ARIH1: variants seen among roughly 807,000 people sequenced by gnomAD.
ARIH1 encodes the protein E3 ubiquitin-protein ligase ARIH1.
Under a neutral mutation model 85.0 loss-of-function variants are expected in ARIH1, and 8 were observed. The observed-to-expected ratio is 0.09, with a 90% CI of 0.06 to 0.17. ARIH1 has a LOEUF of 0.17. Ranked by LOEUF, ARIH1 falls within the 10% of genes least tolerant of loss-of-function variation. The pLI, the probability that ARIH1 is intolerant of heterozygous loss-of-function variation, is 1.00. For missense variants in ARIH1, 311 were observed against 718.1 expected, an observed-to-expected ratio of 0.43 and a Z score of 6.48; for synonymous variants, 238 against 253.6, an observed-to-expected ratio of 0.94 and a Z score of 0.59.
chr15:72,485,345 G>A (rs963497180), intron 1 of ARIH1, among the ~76,000 whole-genome samples: 42 of 152,286 alleles, frequency 2.8e-4, no homozygotes, highest in African/African-American at 9.9e-4. Flanking sequence ...TCTCTGGGGG[G>A]TTTGGACCAG....
At chr15:72,535,272 C>T (rs1471929440) in intron 2 of ARIH1, among the ~76,000 whole-genome samples, 2 of 152,146 alleles carry the variant, frequency 1.3e-5, no homozygotes, top group Non-Finnish European at 2.9e-5. Flanking sequence ...ATTCTTACCA[C>T]ATTTACCAAC....
At chr15:72,518,841 G>A (rs1159931289) in intron 2 of ARIH1, among the ~76,000 whole-genome samples, 3 of 151,584 alleles carry the variant, frequency 2.0e-5, no homozygotes, top group Admixed American at 6.6e-5. Context: ...GTTATTAGTA[G>A]CATTTATTCA....
In ARIH1 at chr15:72,578,816, G is replaced by GTTTTT. The variant is rs11385438; in HGVS notation, c.1216-1911_1216-1910insTTTTT. 2.1e-5 allele frequency among the ~76,000 whole-genome samples: 3 copies of GTTTTT among 140,960 alleles called. 1 individual carries two copies. The highest frequency in any genetic ancestry group is 3.1e-5 in the Non-Finnish European group (2 of 65,448). The allele number at this position is 140,960 out of a possible 152,430, so 92.5% of individuals were successfully genotyped here. On this transcript the variant is annotated intron_variant, in intron 11 of 13. Transcript: ENST00000379887. Reference sequence around the variant, plus strand: ...ATTTTGCTTTTTTTTGTTTTTTGGTGTTTTGTTTTTTTTTTTCAGAGGTAG... The same window carrying GTTTTT: ...ATTTTGCTTTTTTTTGTTTTTTGGTGTTTTTTTTTGTTTTTTTTTTTCAGAGGTAG...
At chr15:72,548,234 C>A (rs768536140) in intron 3 of ARIH1, among the ~76,000 whole-genome samples, 3 of 152,026 alleles carry the variant, frequency 2.0e-5, no homozygotes, top group African/African-American at 7.3e-5. Flanking sequence ...GCAGGACTTA[C>A]CACAGAAATC....
chr15:72,519,500 T>TG (rs2063990091), intron 2 of ARIH1, among the ~76,000 whole-genome samples: 1 of 72,982 alleles, frequency 1.4e-5, no homozygotes, highest in Admixed American at 1.7e-4. Context: ...TTTTTTTTTT[T>TG]GAGACGGAGT....
At position 72,589,974 on chromosome 15, in the gene ARIH1, T is replaced by TATG; in HGVS notation, c.*6686_*6688dup. The TATG allele has an allele frequency of 6.6e-6, 1 of 152,306 alleles. No individual in the cohort carries two copies. Among genetic ancestry groups the TATG allele is most frequent in the Non-Finnish European group, 1.5e-5 (1 of 68,002 alleles). The allele number at this position is 152,306 out of a possible 1,614,324, so 9.4% of individuals were successfully genotyped here. A position where few individuals can be genotyped will look rare whatever the true frequency, so the allele number is the denominator to read the frequency against. On this transcript the variant is annotated 3_prime_UTR_variant, in exon 14 of 14. Transcript: ENST00000379887. ...GCTCCTAGCTCTTCCATCTCAGTCTTATGATGTAGTTACTATTTTCATTTT... is the reference window on the plus strand; with the variant it reads ...GCTCCTAGCTCTTCCATCTCAGTCTTATGATGATGTAGTTACTATTTTCATTTT...
In ARIH1 at chr15:72,474,606, G is replaced by C. The variant is rs768977916; in HGVS notation, c.-34G>C. On this transcript the variant is annotated 5_prime_UTR_variant, in exon 1 of 14. Transcript: ENST00000379887. ...GGCGTCCCCGCCCTCTCCCCGCCTC[G>C]GCCAGCGTCCGCCGGGCCCCCGCGC... The C allele has an allele frequency of 1.3e-6, 2 of 1,495,090 alleles. No homozygotes were observed. Among genetic ancestry groups the C allele is most frequent in the Non-Finnish European group, 1.8e-6 (2 of 1,124,504 alleles). The allele number at this position is 1,495,090 out of a possible 1,614,324, so 92.6% of individuals were successfully genotyped here.
intron 2 of ARIH1, among the ~76,000 whole-genome samples, chr15:72,519,860 A>T (rs1460871166): frequency 6.6e-6 from 1 of 151,838 alleles, no homozygotes; most frequent in Non-Finnish European, 1.5e-5. Context: ...ATTTGATGAC[A>T]CCTCTACTAG....
In ARIH1 at chr15:72,597,910, A is replaced by G. The variant is rs542754005; in HGVS notation, c.*14618A>G. The G allele has an allele frequency of 3.3e-5, 5 of 152,280 alleles. No individual in the cohort carries two copies. The South Asian group carries it at 6.2e-4, about 19-fold the overall frequency. 9.4% of individuals were successfully genotyped at this position (152,280 alleles called of 1,614,324 possible). On this transcript the variant is annotated 3_prime_UTR_variant, in exon 14 of 14. Coordinates refer to ENST00000379887, the MANE Select transcript of ARIH1 (RefSeq NM_005744.5). Reference sequence around the variant, plus strand: ...ACAGCTAGGGGGTCTCTTCTCTCCTATGAAGGACTTGGCACTTTCTGGAGT... The same window carrying G: ...ACAGCTAGGGGGTCTCTTCTCTCCTGTGAAGGACTTGGCACTTTCTGGAGT...
At chr15:72,491,496 G>A (rs867426828) in intron 1 of ARIH1, among the ~76,000 whole-genome samples, 18 of 152,002 alleles carry the variant, frequency 1.2e-4, no homozygotes, top group African/African-American at 3.6e-4. Flanking sequence ...TGGTATTCAC[G>A]TTGTACCCAC....
At chr15:72,533,151 T>C (rs2064065388) in intron 2 of ARIH1, among the ~76,000 whole-genome samples, 1 of 152,156 alleles carries the variant, frequency 6.6e-6, no homozygotes, top group Admixed American at 6.5e-5. Flanking sequence ...TTTTTTGAGA[T>C]GGGGTCTTGC....
chr15:72,475,392 G>A (rs1464695399), intron 1 of ARIH1, among the ~76,000 whole-genome samples: 1 of 152,236 alleles, frequency 6.6e-6, no homozygotes, highest in Non-Finnish European at 1.5e-5. Context: ...GAAGAATTGG[G>A]CCCTGACGGG....
intron 12 of ARIH1, 88 bp from the exon 13 acceptor site, chr15:72,581,987 A>G (rs2064297022): frequency 1.2e-6 from 1 of 811,554 alleles, no homozygotes; most frequent in African/African-American, 1.7e-5. Flanking sequence ...ATGAGTGTTG[A>G]GAGCAGTCTG....
chr15:72,474,618 C>T lies in ARIH1; in HGVS notation c.-22C>T. ...CTCTCCCCGCCTCGGCCAGCGTCCG[C>T]CGGGCCCCCGCGCGTCGCGCCATGG... On this transcript the variant is annotated 5_prime_UTR_variant, in exon 1 of 14. Transcript: ENST00000379887. The T allele has an allele frequency of 1.3e-6, 2 of 1,504,946 alleles. No homozygotes were observed. The highest frequency in any genetic ancestry group is 1.8e-4 in the Middle Eastern group (1 of 5,552). 93.2% of individuals were successfully genotyped at this position (1,504,946 alleles called of 1,614,324 possible).
At chr15:72,546,222 T>C (rs1030264583) in intron 3 of ARIH1, among the ~76,000 whole-genome samples, 14 of 151,868 alleles carry the variant, frequency 9.2e-5, no homozygotes, top group African/African-American at 3.1e-4. Flanking sequence ...TATATTTATA[T>C]TGAAGGATTT....
At chr15:72,485,035 A>G (rs1415733849) in intron 1 of ARIH1, among the ~76,000 whole-genome samples, 1 of 152,186 alleles carries the variant, frequency 6.6e-6, no homozygotes, top group Non-Finnish European at 1.5e-5. Flanking sequence ...ACTAGTTTAC[A>G]TTCCCACCAG....
chr15:72,559,140 G>A (rs1447330368), intron 5 of ARIH1, among the ~76,000 whole-genome samples: 3 of 152,140 alleles, frequency 2.0e-5, no homozygotes, highest in African/African-American at 7.2e-5. Context: ...AAATTTGACC[G>A]TCCATATATG....
chr15:72,485,530 T>A (rs1334371634), intron 1 of ARIH1, among the ~76,000 whole-genome samples: 1 of 152,234 alleles, frequency 6.6e-6, no homozygotes, highest in Admixed American at 6.5e-5. Context: ...CTATTGATTT[T>A]TTTTTTTAAT....
chr15:72,539,043 T>C (rs11637103), intron 2 of ARIH1, among the ~76,000 whole-genome samples: 111,455 of 152,170 alleles, frequency 0.73, 47,174 homozygotes, highest in Non-Finnish European at 0.93. Context: ...TAGGCAGGGT[T>C]ACAGGGAAGG....
Sources: allele counts gnomAD v4.1 joint callset (sites outside exome capture counted in the v4.1 genomes callset), GRCh38; gene constraint gnomAD v4.1.1; transcripts MANE v1.5; gene names NCBI Gene and HGNC (gene_info 2026-07-23, HGNC 2026-07-21).